ARB2A: variants seen among roughly 807,000 people sequenced by gnomAD.
ARB2A encodes the protein cotranscriptional regulator ARB2A.
At chr5:93,688,404 A>G in the ARB2A span, among the ~76,000 whole-genome samples, 2 of 152,184 alleles carry the variant, frequency 1.3e-5, no homozygotes, top group African/African-American at 4.8e-5. Flanking sequence ...ACGCATTTCC[A>G]TTCTATAGCC....
At chr5:94,072,337 T>C in the ARB2A span, among the ~76,000 whole-genome samples, 1 of 151,794 alleles carries the variant, frequency 6.6e-6, no homozygotes, top group Non-Finnish European at 1.5e-5. Flanking sequence ...AGGATCGAAT[T>C]GCACAGAACT....
At chr5:93,852,918 G>A in the ARB2A span, among the ~76,000 whole-genome samples, 4 of 151,854 alleles carry the variant, frequency 2.6e-5, no homozygotes, top group African/African-American at 9.7e-5. Flanking sequence ...TTTTGGCTTA[G>A]GACTGACTTG....
At chr5:94,012,092 G>A in the ARB2A span, among the ~76,000 whole-genome samples, 2 of 152,130 alleles carry the variant, frequency 1.3e-5, no homozygotes, top group African/African-American at 4.8e-5. Context: ...TGCTAAGTGG[G>A]AAAAATAATC....
At chr5:93,855,011 C>T in the ARB2A span, among the ~76,000 whole-genome samples, 1 of 152,060 alleles carries the variant, frequency 6.6e-6, no homozygotes, top group Non-Finnish European at 1.5e-5. Context: ...CCTGGGTATC[C>T]TTGTTAACTT....
At chr5:93,830,188 C>T in the ARB2A span, among the ~76,000 whole-genome samples, 14,456 of 151,066 alleles carry the variant, frequency 0.096, 844 homozygotes, top group Middle Eastern at 0.17. Flanking sequence ...AGAGTTTCCA[C>T]CTATTGATGG....
At chr5:93,621,814 C>G in the ARB2A span, among the ~76,000 whole-genome samples, 1 of 152,050 alleles carries the variant, frequency 6.6e-6, no homozygotes, top group African/African-American at 2.4e-5. Context: ...AGTGTCCTGG[C>G]GGGCGACATT....
At chr5:93,675,924 A>G in the ARB2A span, among the ~76,000 whole-genome samples, 1 of 152,208 alleles carries the variant, frequency 6.6e-6, no homozygotes. Flanking sequence ...TCTGCAAGCC[A>G]TCGGAAAACT....
At chr5:93,717,235 T>C in the ARB2A span, among the ~76,000 whole-genome samples, 1 of 152,188 alleles carries the variant, frequency 6.6e-6, no homozygotes, top group African/African-American at 2.4e-5. Flanking sequence ...TTTTACATCG[T>C]CTTTTACTGC....
At chr5:93,915,676 T>C in the ARB2A span, among the ~76,000 whole-genome samples, 2 of 152,000 alleles carry the variant, frequency 1.3e-5, no homozygotes, top group South Asian at 2.1e-4. Context: ...ATATAGGCAA[T>C]GGTTATCATC....
the ARB2A span, among the ~76,000 whole-genome samples, chr5:93,767,690 C>G: frequency 6.6e-6 from 1 of 151,890 alleles, no homozygotes; most frequent in African/African-American, 2.4e-5. Context: ...GAATACTACT[C>G]AGCCATAAAA....
the ARB2A span, among the ~76,000 whole-genome samples, chr5:93,852,246 T>C: frequency 6.6e-6 from 1 of 152,224 alleles, no homozygotes; most frequent in Non-Finnish European, 1.5e-5. Context: ...GCTGCATGAA[T>C]GTCTTCTTTT....
the ARB2A span, among the ~76,000 whole-genome samples, chr5:94,041,624 A>G: frequency 6.6e-6 from 1 of 152,226 alleles, no homozygotes; most frequent in Non-Finnish European, 1.5e-5. Flanking sequence ...GCAAATAAAG[A>G]CAGTTTTAAA....
chr5:93,908,138 G>A, the ARB2A span, among the ~76,000 whole-genome samples: 21 of 151,018 alleles, frequency 1.4e-4, no homozygotes, highest in Non-Finnish European at 1.8e-4. Context: ...TTCAATACAT[G>A]TTCTGATGAA....
chr5:93,715,028 T>G, the ARB2A span, among the ~76,000 whole-genome samples: 1 of 152,218 alleles, frequency 6.6e-6, no homozygotes, highest in Non-Finnish European at 1.5e-5. Context: ...CAATATTCCA[T>G]TTAATTATAA....
At chr5:93,790,760 T>C in the ARB2A span, among the ~76,000 whole-genome samples, 154 of 151,456 alleles carry the variant, frequency 1.0e-3, 1 homozygote, top group East Asian at 0.025. Context: ...TGACTGTATT[T>C]AAAAAAAAAG....
chr5:93,850,673 T>C, the ARB2A span, among the ~76,000 whole-genome samples: 2 of 152,172 alleles, frequency 1.3e-5, no homozygotes, highest in Non-Finnish European at 2.9e-5. Context: ...GATGAACATG[T>C]TCTAGAAATT....
At chr5:93,943,308 T>G in the ARB2A span, among the ~76,000 whole-genome samples, 5 of 152,144 alleles carry the variant, frequency 3.3e-5, no homozygotes, top group African/African-American at 1.2e-4. Flanking sequence ...AAATGGTAGC[T>G]TGTTTTAATA....
chr5:93,899,490 C>T, the ARB2A span, among the ~76,000 whole-genome samples: 1 of 152,014 alleles, frequency 6.6e-6, no homozygotes, highest in African/African-American at 2.4e-5. Flanking sequence ...AGTCATTTTC[C>T]TGAGTTGAAT....
chr5:94,018,455 T>G, the ARB2A span, among the ~76,000 whole-genome samples: 1 of 152,094 alleles, frequency 6.6e-6, no homozygotes, highest in Non-Finnish European at 1.5e-5. Context: ...TTGGTGTAGG[T>G]CTCCACTATG....
Sources: allele counts gnomAD v4.1 joint callset (sites outside exome capture counted in the v4.1 genomes callset), GRCh38; gene constraint gnomAD v4.1.1; transcripts MANE v1.5; gene names NCBI Gene and HGNC (gene_info 2026-07-23, HGNC 2026-07-21).